TDP1: variants seen among roughly 807,000 people sequenced by gnomAD.
The protein encoded by TDP1 is tyrosyl-DNA phosphodiesterase 1, also known as tyr-DNA phosphodiesterase 1.
Under a neutral mutation model 81.5 loss-of-function variants are expected in TDP1, and 64 were observed. The observed-to-expected ratio is 0.79, with a 90% CI of 0.64 to 0.97. The LOEUF (loss-of-function observed/expected upper bound fraction) is 0.97, where lower values mean the gene tolerates loss of function less well. TDP1 is among the 50% of genes least tolerant of loss of function. TDP1 has a pLI of 0.00. For missense variants in TDP1, 723 were observed against 743.8 expected, an observed-to-expected ratio of 0.97 and a Z score of 0.33; for synonymous variants, 256 against 264.3, an observed-to-expected ratio of 0.97 and a Z score of 0.30.
intron 15 of TDP1, chr14:90,022,839 G>A (rs1246572741): frequency 2.5e-6 from 2 of 808,000 alleles, no homozygotes; most frequent in East Asian, 1.2e-4. Context: ...GTAGTTTGTC[G>A]TTTCGCTGAG....
chr14:89,986,427 C>G (rs1566875908), intron 10 of TDP1, among the ~76,000 whole-genome samples: 1 of 152,218 alleles, frequency 6.6e-6, no homozygotes. Context: ...ACAGGGCACA[C>G]AGTAAGTCTT....
chr14:89,992,160 G>A (rs536437628), intron 13 of TDP1, among the ~76,000 whole-genome samples, 177 bp downstream of exon 13: 2 of 151,808 alleles, frequency 1.3e-5, no homozygotes, highest in African/African-American at 4.8e-5. Context: ...TTTTGGAATA[G>A]GTTTTTAATA....
intron 2 of TDP1, among the ~76,000 whole-genome samples, chr14:89,962,083 A>G (rs1255636739): frequency 6.6e-6 from 1 of 152,228 alleles, no homozygotes; most frequent in East Asian, 1.9e-4. Flanking sequence ...TGTTCTCAGA[A>G]CAAGAAAGTA....
chr14:89,989,874 T>A, intron 12 of TDP1, 109 bp downstream of exon 12: 1 of 835,098 alleles, frequency 1.2e-6, no homozygotes, highest in Non-Finnish European at 2.1e-6. Flanking sequence ...TTCACTTAAC[T>A]ATATAAGGAT....
intron 8 of TDP1, chr14:89,984,257 A>T (rs1417088949): frequency 1.0e-6 from 1 of 985,298 alleles, no homozygotes; most frequent in Admixed American, 6.1e-5. Flanking sequence ...GCATGGAGGG[A>T]TGTGGGTTGG....
intron 15 of TDP1, chr14:90,022,980 A>G (rs1886255252): frequency 5.4e-6 from 4 of 744,716 alleles, no homozygotes; most frequent in South Asian, 1.4e-5. Context: ...GGGACTACCC[A>G]CCTCCATACT....
intron 14 of TDP1, among the ~76,000 whole-genome samples, chr14:89,998,142 T>G (rs1896797295): frequency 6.6e-6 from 1 of 151,856 alleles, no homozygotes; most frequent in Non-Finnish European, 1.5e-5. Flanking sequence ...ATATCCCTAG[T>G]GGTATCTGGA....
intron 4 of TDP1, 115 bp from the exon 5 acceptor site, chr14:89,967,252 A>T: frequency 7.6e-7 from 1 of 1,312,314 alleles, no homozygotes; most frequent in South Asian, 1.2e-5. Context: ...TAAATAATAC[A>T]TGTAGTGTAT....
At chr14:89,997,217 A>G (rs1342649084) in intron 14 of TDP1, among the ~76,000 whole-genome samples, 1 of 152,038 alleles carries the variant, frequency 6.6e-6, no homozygotes, top group Admixed American at 6.6e-5. Flanking sequence ...CTTCCCCTCT[A>G]GACTCTGTGA....
At chr14:90,020,517 CTCCCTCCCTCCCTTCCT>C (rs1566915668) in intron 15 of TDP1, among the ~76,000 whole-genome samples, 1 of 46,168 alleles carries the variant, frequency 2.2e-5, no homozygotes, top group Non-Finnish European at 3.9e-5. Context: ...CCGTCCCTCC[CTCCCTCCCTCCCTTCCT>C]TCCCTCCCTC....
intron 15 of TDP1, among the ~76,000 whole-genome samples, chr14:90,025,116 T>C (rs1220069871): frequency 6.6e-6 from 1 of 152,196 alleles, no homozygotes; most frequent in Non-Finnish European, 1.5e-5. Context: ...TTTGGAGCCA[T>C]TGTTGCAGAT....
intron 2 of TDP1, 41 bp from the exon 3 acceptor site, chr14:89,963,067 G>A (rs1892518436): frequency 7.4e-6 from 12 of 1,613,850 alleles, no homozygotes; most frequent in Non-Finnish European, 9.3e-6. Flanking sequence ...CCAATGCCCT[G>A]ATGAATGGGA....
At chr14:89,995,951 C>T (rs1042706060) in intron 14 of TDP1, among the ~76,000 whole-genome samples, 4 of 152,176 alleles carry the variant, frequency 2.6e-5, no homozygotes, top group Admixed American at 1.3e-4. Flanking sequence ...GAGCCAGACA[C>T]AGAAATAATT....
chr14:90,020,618 CCCTCCCTCCCTCCCCGCCTTCCTT>C (rs1885960176), intron 15 of TDP1, among the ~76,000 whole-genome samples: 1 of 49,084 alleles, frequency 2.0e-5, no homozygotes, highest in Non-Finnish European at 3.7e-5. Context: ...CTGCCTTTGT[CCCTCCCTCCCTCCCCGCCTTCCTT>C]CCTCCCTCCC....
At chr14:89,982,588 G>T (rs928232024) in intron 8 of TDP1, among the ~76,000 whole-genome samples, 3 of 152,156 alleles carry the variant, frequency 2.0e-5, no homozygotes, top group African/African-American at 7.2e-5. Flanking sequence ...GTACTGTCTT[G>T]GGATTCTCTG....
intron 9 of TDP1, 76 bp downstream of exon 9, chr14:89,984,759 G>A: frequency 1.9e-6 from 3 of 1,602,924 alleles, no homozygotes; most frequent in Non-Finnish European, 2.5e-6. Flanking sequence ...CTGGCATGCA[G>A]GGGCCTGGAA....
At chr14:90,022,866 A>C (rs781776860) in intron 15 of TDP1, 6 of 546,646 alleles carry the variant, frequency 1.1e-5, no homozygotes, top group Non-Finnish European at 1.4e-5. Flanking sequence ...CGTGCACAGG[A>C]GTGAGATGCT....
chr14:89,969,937 C>T (rs1206254877), intron 5 of TDP1, among the ~76,000 whole-genome samples: 3 of 132,424 alleles, frequency 2.3e-5, no homozygotes, highest in Non-Finnish European at 4.6e-5. Context: ...AGTGCAGTGG[C>T]GGGATCTCGG....
chr14:89,959,078 G>T (rs947541868), intron 2 of TDP1, among the ~76,000 whole-genome samples: 1 of 152,214 alleles, frequency 6.6e-6, no homozygotes, highest in African/African-American at 2.4e-5. Context: ...GATTGGAATG[G>T]AAAGGGAAGT....
Sources: gnomAD v4.1 joint callset for allele counts (sites outside exome capture counted in the v4.1 genomes callset) on GRCh38, gnomAD v4.1.1 for gene constraint, MANE v1.5 for transcripts, NCBI Gene and HGNC (gene_info 2026-07-23, HGNC 2026-07-21) for gene names.